WDR20: variants seen among roughly 807,000 people sequenced by gnomAD.
The protein encoded by WDR20 is WD repeat domain 20, also known as WD repeat-containing protein 20.
In WDR20, 3 loss-of-function variants were observed where a neutral mutation model predicts 38.7. The ratio of observed to expected loss-of-function variants is 0.08; its 90% CI spans 0.04 to 0.20. WDR20 has a LOEUF of 0.20. Ranked by LOEUF, WDR20 falls within the 10% of genes least tolerant of loss-of-function variation. The probability of loss-of-function intolerance (pLI) is 1.00; values close to 1 mark genes in which losing one functional copy is unlikely to be tolerated. For missense variants in WDR20, 559 were observed against 727.7 expected, an observed-to-expected ratio of 0.77 and a Z score of 2.67; for synonymous variants, 298 against 285.6, an observed-to-expected ratio of 1.04 and a Z score of -0.44.
rs1382984682 is a variant in WDR20, at chr14:102,161,133, TATATATA to T, written c.249+20962_249+20968del. ...CAAAGCATAACTGCATATATATATA[TATATATA>T]TATTTTTTTTTTTTTTTTTTTTTTT... On this transcript the variant is annotated intron_variant, in intron 1 of 2. Transcript: ENST00000342702. Among the ~76,000 whole-genome samples the T allele has an allele frequency of 9.6e-4, 10 of 10,452 alleles. 1 individual carries two copies. The highest frequency in any genetic ancestry group is 3.0e-3 in the African/African-American group (10 of 3,340). The allele number at this position is 10,452 out of a possible 152,430, so 6.9% of individuals were successfully genotyped here.
intron 1 of WDR20, among the ~76,000 whole-genome samples, chr14:102,155,586 A>G (rs2057180109): frequency 6.6e-6 from 1 of 152,248 alleles, no homozygotes; most frequent in Non-Finnish European, 1.5e-5. Flanking sequence ...TCTATTAGAC[A>G]GCATTGACTC....
intron 1 of WDR20, among the ~76,000 whole-genome samples, chr14:102,164,910 C>T (rs757671135): frequency 9.2e-5 from 14 of 152,194 alleles, no homozygotes; most frequent in Non-Finnish European, 2.1e-4. Context: ...AAAGGAAAAA[C>T]TATTTATTGC....
chr14:102,213,006 A>G, downstream of WDR20: 13 of 992,894 alleles, frequency 1.3e-5, no homozygotes, highest in Non-Finnish European at 1.6e-5. Flanking sequence ...GCGTGGCTGG[A>G]GAATCCCGCT....
At chr14:102,202,900 G>A (rs949669030) in intron 2 of WDR20, among the ~76,000 whole-genome samples, 2 of 152,136 alleles carry the variant, frequency 1.3e-5, no homozygotes, top group African/African-American at 4.8e-5. Context: ...TGTGACATTC[G>A]TGGTTATATT....
chr14:102,140,444 C>T (rs966687296), intron 1 of WDR20, among the ~76,000 whole-genome samples: 1 of 152,034 alleles, frequency 6.6e-6, no homozygotes, highest in African/African-American at 2.4e-5. Context: ...GGCTGCGTCC[C>T]CTCCAGCCTG....
chr14:102,172,565 G>A (rs2061100340), intron 1 of WDR20, among the ~76,000 whole-genome samples: 1 of 148,318 alleles, frequency 6.7e-6, no homozygotes, highest in African/African-American at 2.5e-5. Context: ...CCCGGACGGG[G>A]CGGCTGGCCG....
chr14:102,223,642 C>T (rs1241024600), exon 4 of WDR20: 1 of 152,560 alleles, frequency 6.6e-6, no homozygotes, highest in Non-Finnish European at 1.5e-5. Flanking sequence ...TTCTAATTCA[C>T]AAAAGTTAAT....
chr14:102,173,479 A>T (rs993308283), intron 1 of WDR20, among the ~76,000 whole-genome samples: 4 of 116,618 alleles, frequency 3.4e-5, no homozygotes, highest in African/African-American at 6.4e-5. Context: ...TATTATTATT[A>T]TTTTTATCAA....
chr14:102,175,973 G>A (rs1329849264), intron 1 of WDR20, among the ~76,000 whole-genome samples: 1 of 152,024 alleles, frequency 6.6e-6, no homozygotes, highest in African/African-American at 2.4e-5. Context: ...GGGTTTTCTA[G>A]GTATATGATT....
chr14:102,167,215 A>C (rs1456543898), intron 1 of WDR20, among the ~76,000 whole-genome samples: 4 of 151,442 alleles, frequency 2.6e-5, no homozygotes, highest in East Asian at 3.9e-4. Context: ...TCTTCTTCTT[A>C]TTTATTTATT....
chr14:102,142,131 G>A (rs2051453500), intron 1 of WDR20, among the ~76,000 whole-genome samples: 1 of 152,302 alleles, frequency 6.6e-6, no homozygotes, highest in African/African-American at 2.4e-5. Context: ...AGATAAATGT[G>A]AAATACGTAA....
downstream of WDR20, chr14:102,213,969 G>A (rs925371083): frequency 2.3e-5 from 23 of 985,348 alleles, no homozygotes; most frequent in Admixed American, 6.1e-5. Context: ...GGAACACAGC[G>A]TCTGGCGTCC....
chr14:102,186,984 C>T (rs1000879730), intron 1 of WDR20, among the ~76,000 whole-genome samples: 6 of 151,628 alleles, frequency 4.0e-5, no homozygotes, highest in South Asian at 2.1e-4. Flanking sequence ...AGAAAACCTG[C>T]GGAACAGTCT....
At chr14:102,192,604 G>T (rs2058698382) in intron 1 of WDR20, among the ~76,000 whole-genome samples, 2 of 152,322 alleles carry the variant, frequency 1.3e-5, no homozygotes, top group South Asian at 4.1e-4. Context: ...AGCCATTATA[G>T]TTGTGAGGGG....
chr14:102,140,509 T>G (rs1331964064), intron 1 of WDR20, among the ~76,000 whole-genome samples: 2 of 151,002 alleles, frequency 1.3e-5, no homozygotes, highest in African/African-American at 4.9e-5. Context: ...CCGGAAGAGG[T>G]GAGGTGGCCG....
In WDR20 at chr14:102,220,226, CAGTG is replaced by C. The variant is rs886346682; in HGVS notation, c.1693-2601_1693-2598del. Among the ~76,000 whole-genome samples the C allele has an allele frequency of 1.7e-4, 26 of 152,244 alleles. No homozygotes were observed. Among genetic ancestry groups the C allele is most frequent in the African/African-American group, 6.0e-4 (25 of 41,548 alleles). On this transcript the variant is annotated intron_variant, in intron 3 of 3. Transcript: ENST00000335263. The surrounding 1 kb of genome is among the most constrained non-coding windows in gnomAD (Gnocchi z 4.2). ...GCCGAGTCCTCTGGGGCCTCACACTCAGTGAGAGGAAGTCTAAGGAAGGGTGCTG... is the reference window on the plus strand; with the variant it reads ...GCCGAGTCCTCTGGGGCCTCACACTCAGAGGAAGTCTAAGGAAGGGTGCTG...
At chr14:102,148,871 T>A (rs1001112935) in intron 1 of WDR20, among the ~76,000 whole-genome samples, 41 of 152,086 alleles carry the variant, frequency 2.7e-4, no homozygotes, top group African/African-American at 7.5e-4. Context: ...TTTTAAAAAA[T>A]TTTTTGTAGG....
intron 2 of WDR20, among the ~76,000 whole-genome samples, chr14:102,200,356 C>T (rs770374659): frequency 1.3e-5 from 2 of 152,122 alleles, no homozygotes; most frequent in African/African-American, 2.4e-5. Context: ...GATCGTGGAG[C>T]GTGTCCTCAT....
chr14:102,158,119 A>T (rs1017984744), intron 1 of WDR20, among the ~76,000 whole-genome samples: 1 of 151,976 alleles, frequency 6.6e-6, no homozygotes, highest in Non-Finnish European at 1.5e-5. Flanking sequence ...TACACACTCG[A>T]TCCCAGTCTT....
Sources: gnomAD v4.1 joint callset for allele counts (sites outside exome capture counted in the v4.1 genomes callset) on GRCh38, gnomAD v4.1.1 for gene constraint, Gnocchi (gnomAD v3.1) non-coding constraint, MANE v1.5 for transcripts, NCBI Gene and HGNC (gene_info 2026-07-23, HGNC 2026-07-21) for gene names.